The following KIAA1549L variants were observed in gnomAD, a reference collection of about 807,000 sequenced individuals.
The protein encoded by KIAA1549L is KIAA1549 like, also known as UPF0606 protein KIAA1549L.
A neutral mutation model predicts 160.7 loss-of-function variants in KIAA1549L; 88 were observed. The observed-to-expected ratio is 0.55, with a 90% CI of 0.46 to 0.65. KIAA1549L has a LOEUF of 0.65. Ranked by LOEUF, KIAA1549L falls within the 30% of genes least tolerant of loss-of-function variation. The pLI is 0.00. For missense variants in KIAA1549L, 2,258 were observed against 2,437.5 expected (o/e 0.93, Z 1.55); for synonymous variants, 950 against 976.7 (o/e 0.97, Z 0.51).
intron 1 of KIAA1549L, among the ~76,000 whole-genome samples, chr11:33,487,584 T>C (rs1177367418): frequency 6.6e-6 from 1 of 152,096 alleles, no homozygotes; most frequent in Non-Finnish European, 1.5e-5. Context: ...CTTCAGAAGT[T>C]TGTGAGCTGA....
chr11:33,537,370 T>C (rs928759403), intron 1 of KIAA1549L, among the ~76,000 whole-genome samples: 28 of 152,218 alleles, frequency 1.8e-4, no homozygotes, highest in African/African-American at 6.5e-4. Flanking sequence ...CTGGAGACCA[T>C]GTATGTTTTT....
At chr11:33,631,300 C>A (rs796242723) in intron 16 of KIAA1549L, among the ~76,000 whole-genome samples, 4 of 152,328 alleles carry the variant, frequency 2.6e-5, no homozygotes, top group African/African-American at 7.2e-5. Flanking sequence ...TTCAACCACC[C>A]CCTTGGCTCC....
At chr11:33,511,066 C>T (rs973506038) in intron 1 of KIAA1549L, among the ~76,000 whole-genome samples, 13 of 152,194 alleles carry the variant, frequency 8.5e-5, no homozygotes, top group Admixed American at 4.6e-4. Flanking sequence ...TTTTCCATGG[C>T]GTCAGTACAG....
intron 8 of KIAA1549L, among the ~76,000 whole-genome samples, chr11:33,562,112 G>T (rs978356019): frequency 6.6e-6 from 1 of 152,200 alleles, no homozygotes; most frequent in Non-Finnish European, 1.5e-5. Flanking sequence ...GGAAGGCCGG[G>T]CATGCACTTG....
At chr11:33,481,504 T>A (rs1348996022) in intron 1 of KIAA1549L, among the ~76,000 whole-genome samples, 2 of 152,232 alleles carry the variant, frequency 1.3e-5, no homozygotes, top group South Asian at 4.1e-4. Flanking sequence ...AATCATTTTT[T>A]ATTTAAGTTG....
At chr11:33,447,458 A>ATATC (rs1851634388) in intron 1 of KIAA1549L, among the ~76,000 whole-genome samples, 3 of 150,066 alleles carry the variant, frequency 2.0e-5, no homozygotes, top group South Asian at 2.1e-4. Flanking sequence ...AGATGTCTCC[A>ATATC]CATCCATCCA....
At chr11:33,555,768 G>C (rs114566130) in intron 6 of KIAA1549L, among the ~76,000 whole-genome samples, 1,772 of 152,210 alleles carry the variant, frequency 0.012, 29 homozygotes, top group African/African-American at 0.04. Context: ...TGATTTGTTG[G>C]ACATGACACA....
At chr11:33,589,267 G>A (rs1318832537) in intron 11 of KIAA1549L, among the ~76,000 whole-genome samples, 1 of 152,182 alleles carries the variant, frequency 6.6e-6, no homozygotes, top group African/African-American at 2.4e-5. Flanking sequence ...AACAACAGGT[G>A]CTGGAGAGGA....
At chr11:33,443,952 A>T (rs1204275913) in intron 1 of KIAA1549L, among the ~76,000 whole-genome samples, 2 of 152,198 alleles carry the variant, frequency 1.3e-5, no homozygotes, top group Non-Finnish European at 2.9e-5. Flanking sequence ...CTGTATTTGA[A>T]AAGTATCTCT....
At chr11:33,533,046 T>C (rs901478115) in intron 1 of KIAA1549L, among the ~76,000 whole-genome samples, 1 of 151,932 alleles carries the variant, frequency 6.6e-6, no homozygotes, top group Non-Finnish European at 1.5e-5. Flanking sequence ...GACTCTGGGG[T>C]CTGTGATAAA....
At chr11:33,512,839 G>T (rs1853258462) in intron 1 of KIAA1549L, among the ~76,000 whole-genome samples, 2 of 152,170 alleles carry the variant, frequency 1.3e-5, no homozygotes. Context: ...AAAGCAATTT[G>T]CCCAAGGTTA....
intron 6 of KIAA1549L, among the ~76,000 whole-genome samples, chr11:33,556,385 C>G (rs1854648395): frequency 6.6e-6 from 1 of 152,162 alleles, no homozygotes; most frequent in Admixed American, 6.5e-5. Context: ...TTATTCACAA[C>G]AGCCAAAAGG....
chr11:33,419,888 ACATACATAC>A (rs1054732575), intron 1 of KIAA1549L, among the ~76,000 whole-genome samples: 14 of 104,894 alleles, frequency 1.3e-4, no homozygotes, highest in African/African-American at 4.1e-4. Context: ...ATACATACAT[ACATACATAC>A]ATACATACAT....
intron 1 of KIAA1549L, among the ~76,000 whole-genome samples, chr11:33,458,709 T>C (rs1167165049): frequency 6.6e-6 from 1 of 152,138 alleles, no homozygotes; most frequent in Admixed American, 6.5e-5. Context: ...AAGAGGGTGA[T>C]CTAAGAAGGA....
chr11:33,592,309 G>A (rs190241179), intron 12 of KIAA1549L, among the ~76,000 whole-genome samples: 7 of 152,308 alleles, frequency 4.6e-5, no homozygotes, highest in Non-Finnish European at 5.9e-5. Flanking sequence ...AATGATGTTA[G>A]CCTATATGTT....
At chr11:33,590,567 A>G (rs1850023129) in intron 11 of KIAA1549L, among the ~76,000 whole-genome samples, 1 of 152,232 alleles carries the variant, frequency 6.6e-6, no homozygotes, top group Non-Finnish European at 1.5e-5. Flanking sequence ...CCAGGAATGC[A>G]TTATAGGAGA....
intron 1 of KIAA1549L, among the ~76,000 whole-genome samples, chr11:33,472,965 G>A (rs562244456): frequency 2.0e-5 from 3 of 152,278 alleles, no homozygotes; most frequent in Admixed American, 1.3e-4. Flanking sequence ...AGGAACATGA[G>A]TAGGGGCTGC....
chr11:33,643,912 C>T (rs368809139), intron 16 of KIAA1549L, among the ~76,000 whole-genome samples: 3 of 152,232 alleles, frequency 2.0e-5, no homozygotes, highest in African/African-American at 7.2e-5. Context: ...TGCTGGCTTT[C>T]AGGGAGCACA....
intron 18 of KIAA1549L, 105 bp downstream of exon 18, chr11:33,656,214 C>CTGGATGGGGTGGAG: frequency 2.5e-6 from 2 of 805,558 alleles, no homozygotes; most frequent in Non-Finnish European, 4.2e-6. Context: ...ATGCTCCACC[C>CTGGATGGGGTGGAG]CATCCAGGGT....
Sources: gnomAD v4.1 joint callset for allele counts (sites outside exome capture counted in the v4.1 genomes callset) on GRCh38, gnomAD v4.1.1 for gene constraint, MANE v1.5 for transcripts, NCBI Gene and HGNC (gene_info 2026-07-23, HGNC 2026-07-21) for gene names.